RASA3: variants seen among roughly 807,000 people sequenced by gnomAD.
RASA3 encodes RAS p21 protein activator 3.
Under a neutral mutation model 110.0 loss-of-function variants are expected in RASA3, and 73 were observed. That is an observed-to-expected ratio of 0.66 (90% CI 0.55 to 0.81). The LOEUF (loss-of-function observed/expected upper bound fraction) is 0.81. Ranked by LOEUF, RASA3 falls within the 30% of genes least tolerant of loss-of-function variation. The probability of loss-of-function intolerance (pLI) is 0.00; values close to 1 mark genes in which losing one functional copy is unlikely to be tolerated. For synonymous variants in RASA3, 500 were observed against 451.4 expected, an observed-to-expected ratio of 1.11 and a Z score of -1.37; for missense variants, 976 against 1,113.2, an observed-to-expected ratio of 0.88 and a Z score of 1.75.
At chr13:114,075,539 G>A (rs546868609) in intron 1 of RASA3, among the ~76,000 whole-genome samples, 377 of 86,504 alleles carry the variant, frequency 4.4e-3, no homozygotes, top group Non-Finnish European at 6.7e-3. Flanking sequence ...GTGTGGAGGC[G>A]CCGGCAGGAC....
At chr13:114,122,255 G>T (rs1368920741) in intron 1 of RASA3, among the ~76,000 whole-genome samples, 2 of 152,232 alleles carry the variant, frequency 1.3e-5, no homozygotes, top group Non-Finnish European at 2.9e-5. Context: ...AGACTGGGGG[G>T]GATCTGGAAT....
Position 114,056,298 on chromosome 13 carries a change from G to A in RASA3, c.174-4143C>T, listed in dbSNP as rs572912615. On this transcript the variant is annotated intron_variant, in intron 2 of 23. Coordinates refer to ENST00000334062, the MANE Select transcript of RASA3 (RefSeq NM_007368.4). The surrounding 1 kb of genome is among the most constrained non-coding windows in gnomAD (Gnocchi z 5.7). The stretch of plus-strand genomic sequence containing the variant: ...CTGATGCATATTTGGTGCGTGTCCG[G>A]TGCGTGGTGAGGGGCGGTGAGATGA... Among the ~76,000 whole-genome samples, 61 of 152,346 alleles carry A rather than the reference G, an allele frequency of 4.0e-4. No individual in the cohort carries two copies. Among genetic ancestry groups the A allele is most frequent in the African/African-American group, 1.4e-3 (58 of 41,576 alleles).
rs2053764339 is a variant in RASA3, at chr13:114,015,298, T to C, written c.1316A>G (p.His439Arg). 1.9e-6 allele frequency: 3 copies of C among 1,613,006 alleles called. No homozygotes were observed. The highest frequency in any genetic ancestry group is 1.1e-5 in the South Asian group (1 of 91,080). ...GCTCACCCCAGACTCAGTGATGGCG[T>C]GGAAGACGCGGTCCACATACTGCCG... ...NLRQYVDRVF[H>R]AITESGVSCP... is the part of the protein sequence containing the mutation. The change falls in exon 14 of 24, where the codon CAC (histidine) becomes CGC (arginine). Residue 439 changes from histidine (H) to arginine (R), a missense_variant. Coordinates refer to ENST00000334062, the MANE Select transcript of RASA3 (RefSeq NM_007368.4).
rs2053638802 is a variant in RASA3 at position 114,011,604 on chromosome 13, T to G, written c.1513-356A>C. On this transcript the variant is annotated intron_variant, in intron 15 of 23. Coordinates refer to ENST00000334062, the MANE Select transcript of RASA3 (RefSeq NM_007368.4). The surrounding 1 kb of genome is among the most constrained non-coding windows in gnomAD (Gnocchi z 4.8). The stretch of plus-strand genomic sequence containing the variant: ...GCCCTGCCTGGGGCTCATCTCAGCC[T>G]TCACAGGGTTTGAAGGTTCAACTCA... Among the ~76,000 whole-genome samples the G allele has an allele frequency of 1.3e-5, 2 of 152,082 alleles. No homozygotes were observed. The highest frequency in any genetic ancestry group is 1.3e-4 in the Admixed American group (2 of 15,280).
At chr13:113,994,762 G>A (rs1211997548) in intron 21 of RASA3, among the ~76,000 whole-genome samples, 2 of 152,220 alleles carry the variant, frequency 1.3e-5, no homozygotes, top group Non-Finnish European at 2.9e-5. Flanking sequence ...CTTGAGCCCA[G>A]AAGTTTGAGA....
intron 8 of RASA3, among the ~76,000 whole-genome samples, chr13:114,023,201 A>G (rs2053961721): frequency 6.6e-6 from 1 of 152,220 alleles, no homozygotes; most frequent in Non-Finnish European, 1.5e-5. Flanking sequence ...AAAATGACCT[A>G]AAGAAAGCAG....
chr13:114,018,936 C>T lies in RASA3; in HGVS notation c.786-17G>A, dbSNP rs1344937365. On this transcript the variant is annotated splice_polypyrimidine_tract_variant and intron_variant, in intron 9 of 23. Transcript: ENST00000334062. ...AGGAAGTACCTGGGTGGGAGGGACA[C>T]ATGGAGGGGAGGCATGAGGCTGCAT... The T allele has an allele frequency of 3.1e-6, 5 of 1,612,984 alleles. No individual in the cohort carries two copies. The highest frequency in any genetic ancestry group is 4.2e-6 in the Non-Finnish European group (5 of 1,179,818).
rs372526481 is a variant in RASA3 at position 114,004,631 on chromosome 13, C to T, written c.1742+2902G>A. Among the ~76,000 whole-genome samples, 17 of 152,286 alleles carry T rather than the reference C, an allele frequency of 1.1e-4. No homozygotes were observed. In the South Asian group the frequency reaches 2.3e-3, roughly 20 times the overall value. ...AGAATGGCTGGGATCAAATAAAACA[C>T]GGAAAAATGACAGACGCTGCAGAGC... On this transcript the variant is annotated intron_variant, in intron 18 of 23. Transcript: ENST00000334062.
Position 114,115,993 on chromosome 13 carries a change from G to A in RASA3, c.55+16442C>T, listed in dbSNP as rs538814269. On this transcript the variant is annotated intron_variant, in intron 1 of 23. Coordinates refer to ENST00000334062, the MANE Select transcript of RASA3 (RefSeq NM_007368.4). This position sits in a 1 kb window ranked among gnomAD's most constrained non-coding sequence, Gnocchi z 5.0. Reference sequence around the variant, plus strand: ...GGTGACGTTCTGGGGTCCCTGGGAAGTTGTCATCACCCTGCTGACATGAGT... The same window carrying A: ...GGTGACGTTCTGGGGTCCCTGGGAAATTGTCATCACCCTGCTGACATGAGT... Among the ~76,000 whole-genome samples the A allele has an allele frequency of 6.6e-6, 1 of 152,372 alleles. No homozygotes were observed. Among genetic ancestry groups the A allele is most frequent in the East Asian group, 1.9e-4 (1 of 5,192 alleles).
intron 7 of RASA3, 110 bp downstream of exon 7, chr13:114,027,279 G>T: frequency 1.0e-6 from 1 of 1,004,854 alleles, no homozygotes; most frequent in Non-Finnish European, 1.5e-6. Flanking sequence ...GCTCCTCTCC[G>T]GAAGGAACTT....
At chr13:114,073,207 T>A (rs2079604854) in intron 2 of RASA3, among the ~76,000 whole-genome samples, 1 of 150,648 alleles carries the variant, frequency 6.6e-6, no homozygotes, top group East Asian at 2.0e-4. Flanking sequence ...GACGGTGACG[T>A]ACACGCTCGG....
chr13:113,992,983 C>T (rs182195906), intron 21 of RASA3, among the ~76,000 whole-genome samples: 8 of 152,362 alleles, frequency 5.3e-5, no homozygotes, highest in Admixed American at 2.6e-4. Flanking sequence ...TATTCCTACT[C>T]CAGAATCTTA....
intron 21 of RASA3, among the ~76,000 whole-genome samples, chr13:113,993,379 T>A (rs1325265308): frequency 6.6e-6 from 1 of 152,078 alleles, no homozygotes. Context: ...TTTCACCATG[T>A]TGGCCAGGCT....
intron 1 of RASA3, among the ~76,000 whole-genome samples, chr13:114,074,708 G>C (rs2139674997): frequency 6.6e-6 from 1 of 152,352 alleles, no homozygotes. Context: ...AGCCCACAGA[G>C]ACGCCACCTG....
chr13:114,090,309 G>C (rs1041905371), intron 1 of RASA3, among the ~76,000 whole-genome samples: 1 of 152,118 alleles, frequency 6.6e-6, no homozygotes, highest in African/African-American at 2.4e-5. Context: ...TGTCTTTTTG[G>C]TTATATATTT....
rs562199593 is a variant in RASA3, at chr13:114,124,893, G to A, written c.55+7542C>T. The stretch of plus-strand genomic sequence containing the variant: ...TTTGTTCTTCACTCACTCACCCACC[G>A]TATACATAGTTGCACATTGATGCAT... On this transcript the variant is annotated intron_variant, in intron 1 of 23. Coordinates refer to ENST00000334062, the MANE Select transcript of RASA3 (RefSeq NM_007368.4). Among the ~76,000 whole-genome samples the A allele has an allele frequency of 2.6e-5, 4 of 152,306 alleles. No homozygotes were observed. The South Asian group carries it at 6.2e-4, about 24-fold the overall frequency.
chr13:114,024,182 T>C, intron 8 of RASA3, 97 bp downstream of exon 8: 1 of 1,179,662 alleles, frequency 8.5e-7, no homozygotes, highest in Non-Finnish European at 1.2e-6. Flanking sequence ...GAAATTCATT[T>C]CTATCTATGA....
intron 4 of RASA3, among the ~76,000 whole-genome samples, chr13:114,031,215 T>C (rs2054160903): frequency 6.9e-6 from 1 of 145,576 alleles, no homozygotes; most frequent in Non-Finnish European, 1.5e-5. Context: ...GGGCGTGCGA[T>C]TGTGTGTGCG....
At position 114,074,338 on chromosome 13, in the gene RASA3, G is replaced by A. The variant is rs141776483; in HGVS notation, c.56-501C>T. Among the ~76,000 whole-genome samples the A allele has an allele frequency of 7.7e-3, 1,165 of 152,166 alleles. 3 individuals carry two copies. The highest frequency in any genetic ancestry group is 0.012 in the Admixed American group (177 of 15,286). The stretch of plus-strand genomic sequence containing the variant: ...CCCCACTTTCTGTCTCTGTGGATCT[G>A]ACTACTCTGGGGCCTCACGTCGGCG... On this transcript the variant is annotated intron_variant, in intron 1 of 23. Transcript: ENST00000334062.
Sources: gnomAD v4.1 joint callset for allele counts (sites outside exome capture counted in the v4.1 genomes callset) on GRCh38, gnomAD v4.1.1 for gene constraint, Gnocchi (gnomAD v3.1) non-coding constraint, MANE v1.5 for transcripts, NCBI Gene and HGNC (gene_info 2026-07-23, HGNC 2026-07-21) for gene names.